Variants in F13A1 observed in about 807,000 individuals in gnomAD.
The protein encoded by F13A1 is FSF, A subunit.
In F13A1, 47 loss-of-function variants were observed where a neutral mutation model predicts 80.1. That is an observed-to-expected ratio of 0.59 (90% CI 0.46 to 0.75). The LOEUF (loss-of-function observed/expected upper bound fraction) is 0.75. F13A1 is among the 30% of genes least tolerant of loss of function. The probability of loss-of-function intolerance (pLI) is 0.00; values close to 1 mark genes in which losing one functional copy is unlikely to be tolerated. For missense variants in F13A1, 817 were observed against 930.4 expected, an observed-to-expected ratio of 0.88 and a Z score of 1.59; for synonymous variants, 349 against 344.9, an observed-to-expected ratio of 1.01 and a Z score of -0.13.
chr6:6,199,675 T>C (rs1761357637), intron 8 of F13A1, among the ~76,000 whole-genome samples: 1 of 152,162 alleles, frequency 6.6e-6, no homozygotes, highest in South Asian at 2.1e-4. Context: ...AATCCTTTGA[T>C]ATCAAATTAA....
At chr6:6,165,570 A>G (rs1279803453) in intron 13 of F13A1, among the ~76,000 whole-genome samples, 1 of 152,216 alleles carries the variant, frequency 6.6e-6, no homozygotes, top group Non-Finnish European at 1.5e-5. Context: ...GGGAAGGTTC[A>G]GGGTTGAGCT....
chr6:6,181,060 G>C (rs929896467), intron 11 of F13A1, among the ~76,000 whole-genome samples: 3 of 152,100 alleles, frequency 2.0e-5, no homozygotes, highest in African/African-American at 7.2e-5. Flanking sequence ...TGCTGGCCTC[G>C]GGCAGCTTTG....
Position 6,182,120 on chromosome 6 carries a change from T to G in F13A1, c.1327A>C (p.Ile443Leu). Residue 443 changes from isoleucine (I) to leucine (L), a missense_variant, in exon 11 of 15, where the codon ATT becomes CTT. Physicochemically the swap from Ile to Leu is conservative, Grantham distance 5. Transcript: ENST00000264870. ...FAEVNSDLIYITAKKDGTHVV... is the reference protein window; with the variant it reads ...FAEVNSDLIYLTAKKDGTHVV... ...TGAGTGCCATCTTTCTTAGCTGTAA[T>G]GTAAATGAGGTCGCTGTTGACCTGG... The G allele has an allele frequency of 6.2e-7, 1 of 1,614,172 alleles. No individual in the cohort carries two copies. The highest frequency in any genetic ancestry group is 1.7e-5 in the Admixed American group (1 of 60,034).
chr6:6,161,521 A>T (rs944248240), intron 13 of F13A1, among the ~76,000 whole-genome samples: 2 of 93,724 alleles, frequency 2.1e-5, no homozygotes, highest in Non-Finnish European at 4.6e-5. Context: ...GTTCAGAGAG[A>T]GGATGTGTGT....
At chr6:6,168,050 C>T (rs1053730490) in intron 12 of F13A1, among the ~76,000 whole-genome samples, 14 of 152,212 alleles carry the variant, frequency 9.2e-5, no homozygotes, top group African/African-American at 3.4e-4. Flanking sequence ...AAGTGTCTCA[C>T]CTAGGCCATG....
At chr6:6,168,836 G>A (rs1391308289) in intron 12 of F13A1, among the ~76,000 whole-genome samples, 1 of 152,216 alleles carries the variant, frequency 6.6e-6, no homozygotes, top group Non-Finnish European at 1.5e-5. Context: ...CCACTGGCTC[G>A]AAGGTGTGGG....
At chr6:6,259,458 ATTGAT>A (rs1240755217) in intron 4 of F13A1, among the ~76,000 whole-genome samples, 1 of 152,196 alleles carries the variant, frequency 6.6e-6, no homozygotes. Flanking sequence ...ATTAAATTAA[ATTGAT>A]TTATTTGTTT....
chr6:6,151,736 GT>G, intron 14 of F13A1, 76 bp downstream of exon 14: 1 of 1,589,916 alleles, frequency 6.3e-7, no homozygotes, highest in South Asian at 1.1e-5. Flanking sequence ...GCAGATCTAT[GT>G]TTGGAAAAGA....
At chr6:6,298,077 C>T (rs929828098) in intron 3 of F13A1, among the ~76,000 whole-genome samples, 4 of 150,278 alleles carry the variant, frequency 2.7e-5, no homozygotes, top group African/African-American at 1.0e-4. Flanking sequence ...ATTCTTAATC[C>T]TGAGTTCTAG....
intron 8 of F13A1, among the ~76,000 whole-genome samples, chr6:6,213,325 G>T (rs568887889): frequency 6.6e-6 from 1 of 152,098 alleles, no homozygotes; most frequent in African/African-American, 2.4e-5. Flanking sequence ...ACTAACAGCG[G>T]ATCTCTCGGC....
At chr6:6,165,945 T>C (rs1760663531) in intron 13 of F13A1, among the ~76,000 whole-genome samples, 1 of 152,388 alleles carries the variant, frequency 6.6e-6, no homozygotes, top group African/African-American at 2.4e-5. Flanking sequence ...TAGGCCTTTG[T>C]AGAAAAGAAG....
intron 10 of F13A1, among the ~76,000 whole-genome samples, chr6:6,191,543 G>C (rs984738215): frequency 1.3e-5 from 2 of 152,154 alleles, no homozygotes; most frequent in African/African-American, 4.8e-5. Flanking sequence ...TCTCAGTAAA[G>C]GTGGGGTGGA....
chr6:6,248,511 T>C (rs1268329540), intron 5 of F13A1, 92 bp from the exon 6 acceptor site: 1 of 928,586 alleles, frequency 1.1e-6, no homozygotes, highest in African/African-American at 1.6e-5. Flanking sequence ...CACAACCTAA[T>C]GTTTAGAAAT....
At position 6,190,256 on chromosome 6, in the gene F13A1, T is replaced by G. The variant is rs556137977; in HGVS notation, c.1305+5541A>C. Among the ~76,000 whole-genome samples the G allele has an allele frequency of 2.0e-4, 31 of 152,338 alleles. No individual in the cohort carries two copies. In the South Asian group the frequency reaches 3.3e-3, roughly 16 times the overall value. ...GTCGTTCTCCGTCCAGCTTTGTTCC[T>G]TTGCTGGTGAGGAACTGCGTTCCTT... is the stretch of plus-strand genomic sequence containing the variant. On this transcript the variant is annotated intron_variant, in intron 10 of 14. Coordinates refer to ENST00000264870, the MANE Select transcript of F13A1 (RefSeq NM_000129.4).
At chr6:6,277,484 C>T (rs1758004624) in intron 3 of F13A1, among the ~76,000 whole-genome samples, 1 of 152,108 alleles carries the variant, frequency 6.6e-6, no homozygotes, top group East Asian at 1.9e-4. Context: ...TTCTAACTGC[C>T]ACAAAGTTTT....
At chr6:6,189,910 G>A (rs1278904496) in intron 10 of F13A1, among the ~76,000 whole-genome samples, 1 of 152,136 alleles carries the variant, frequency 6.6e-6, no homozygotes, top group South Asian at 2.1e-4. Context: ...TTTCTTGGAG[G>A]CTTTTCTGGT....
At chr6:6,283,606 A>C (rs1034577094) in intron 3 of F13A1, among the ~76,000 whole-genome samples, 2 of 152,098 alleles carry the variant, frequency 1.3e-5, no homozygotes, top group Non-Finnish European at 2.9e-5. Context: ...TTTAAAAAAA[A>C]CTTTTAAACA....
chr6:6,167,674 T>G (rs149534714), intron 12 of F13A1, 56 bp from the exon 13 acceptor site: 1 of 1,595,540 alleles, frequency 6.3e-7, no homozygotes, highest in African/African-American at 1.3e-5. Context: ...AGGGTCTGCT[T>G]TACTTTTCTC....
At chr6:6,249,987 T>G (rs1359283153) in intron 5 of F13A1, among the ~76,000 whole-genome samples, 2 of 151,714 alleles carry the variant, frequency 1.3e-5, no homozygotes, top group Non-Finnish European at 2.9e-5. Flanking sequence ...CACAGGGAGA[T>G]CCCATATGGA....
Sources: allele counts gnomAD v4.1 joint callset (sites outside exome capture counted in the v4.1 genomes callset), GRCh38; gene constraint gnomAD v4.1.1; transcripts MANE v1.5; gene names NCBI Gene and HGNC (gene_info 2026-07-23, HGNC 2026-07-21).